The following ADAMTS5 variants were observed in gnomAD, a reference collection of about 807,000 sequenced individuals.
ADAMTS5 encodes ADAM metallopeptidase with thrombospondin type 1 motif 5, also known as A disintegrin and metalloproteinase with thrombospondin motifs 5.
ADAMTS5 carries 54 observed loss-of-function variants against 81.4 expected under a neutral mutation model. The observed-to-expected ratio is 0.66, with a 90% CI of 0.53 to 0.83. ADAMTS5 has a LOEUF of 0.83. Ranked by LOEUF, ADAMTS5 falls within the 40% of genes least tolerant of loss-of-function variation. ADAMTS5 has a pLI of 0.00. For synonymous variants in ADAMTS5, 532 were observed against 508.8 expected (o/e 1.05, Z -0.61); for missense variants, 1,194 against 1,229.9 (o/e 0.97, Z 0.44).
At chr21:26,944,301 G>C (rs1987172677) in intron 2 of ADAMTS5, among the ~76,000 whole-genome samples, 1 of 152,166 alleles carries the variant, frequency 6.6e-6, no homozygotes, top group South Asian at 2.1e-4. Flanking sequence ...AGAAAGGACA[G>C]CTTGGTTTCC....
intron 1 of ADAMTS5, among the ~76,000 whole-genome samples, chr21:26,955,249 C>G (rs1418606213): frequency 6.6e-6 from 1 of 152,128 alleles, no homozygotes; most frequent in Non-Finnish European, 1.5e-5. Flanking sequence ...CAAAATCTGG[C>G]CTTATAATTT....
At chr21:26,929,160 G>C (rs1373464) in intron 7 of ADAMTS5, among the ~76,000 whole-genome samples, 65 of 152,148 alleles carry the variant, frequency 4.3e-4, no homozygotes, top group African/African-American at 1.5e-3. Context: ...TCAAGTTACA[G>C]ACAACACAGC....
chr21:26,948,907 G>A lies in ADAMTS5; in HGVS notation c.1238-5360C>T, dbSNP rs572074557. Among the ~76,000 whole-genome samples, 7 of 152,218 alleles carry A rather than the reference G, an allele frequency of 4.6e-5. No individual in the cohort carries two copies. In the East Asian group the frequency reaches 1.4e-3, roughly 29 times the overall value. On this transcript the variant is annotated intron_variant, in intron 2 of 7. Coordinates refer to ENST00000284987, the MANE Select transcript of ADAMTS5 (RefSeq NM_007038.5). ...TATATTAGTTGTTGACCTTAGACGG[G>A]TTTAGAAAGTACCCTGTGTGTTAGC...
chr21:26,932,867 G>T lies in ADAMTS5; in HGVS notation c.1867C>A (p.Pro623Thr), dbSNP rs1483349260. Residue 623 changes from proline (P) to threonine (T), a missense_variant, in exon 5 of 8, where the codon CCC (proline) becomes ACC (threonine). By Grantham distance (38) the Pro-to-Thr change is conservative. Coordinates refer to ENST00000284987, the MANE Select transcript of ADAMTS5 (RefSeq NM_007038.5). ...YRSCSLMPCPPNGKSFRHEQC... is the reference protein window; with the variant it reads ...YRSCSLMPCPTNGKSFRHEQC... ...ACACTTGGGAGCAGCGTACCATTGG[G>T]TGGGCAGGGCATGAGACTGCAGGAG... 6.2e-7 allele frequency: 1 copy of T among 1,607,636 alleles called. No individual in the cohort carries two copies. Among genetic ancestry groups the T allele is most frequent in the East Asian group, 2.2e-5 (1 of 44,794 alleles).
At chr21:26,948,247 C>A (rs1156377028) in intron 2 of ADAMTS5, among the ~76,000 whole-genome samples, 1 of 152,152 alleles carries the variant, frequency 6.6e-6, no homozygotes, top group Admixed American at 6.5e-5. Context: ...TGACTTATAA[C>A]ATTAACCTCA....
intron 2 of ADAMTS5, among the ~76,000 whole-genome samples, chr21:26,948,247 C>T (rs1156377028): frequency 1.3e-5 from 2 of 152,152 alleles, no homozygotes; most frequent in African/African-American, 4.8e-5. Context: ...TGACTTATAA[C>T]ATTAACCTCA....
chr21:26,963,645 A>G (rs1479145905), intron 1 of ADAMTS5, among the ~76,000 whole-genome samples: 2 of 29,944 alleles, frequency 6.7e-5, no homozygotes, highest in Non-Finnish European at 1.3e-4. Context: ...GCTTACCAAA[A>G]AAAAAAAAAA....
Position 26,933,023 on chromosome 21 carries a change from C to A in ADAMTS5, c.1711G>T (p.Gly571Ter). 1 of 1,613,090 alleles carries A rather than the reference C, an allele frequency of 6.2e-7. No homozygotes were observed. Among genetic ancestry groups the A allele is most frequent in the Non-Finnish European group, 8.5e-7 (1 of 1,179,758 alleles). Residue 571 changes from glycine to a stop codon, truncating the protein, a stop_gained, in exon 5 of 8, where the codon GGA (glycine) becomes TGA (stop). Coordinates refer to ENST00000284987, the MANE Select transcript of ADAMTS5 (RefSeq NM_007038.5). LOFTEE classifies it high-confidence loss of function. Reference protein sequence around the residue: ...YYSTSSHGNWGSWGSWGQCSR... With the variant: ...YYSTSSHGNW The stretch of plus-strand genomic sequence containing the variant: ...CACTGGCCCCAGGATCCCCAAGATC[C>A]CCAGTTGCCATGGCTTGACGTCTGA...
chr21:26,952,050 C>A (rs1987329316), intron 2 of ADAMTS5, among the ~76,000 whole-genome samples: 1 of 152,126 alleles, frequency 6.6e-6, no homozygotes, highest in African/African-American at 2.4e-5. Flanking sequence ...TTTATGAAAG[C>A]AGAATTGAAT....
rs117484282 is a variant in ADAMTS5 at position 26,931,923 on chromosome 21, G to A, written c.2049+81C>T. On this transcript the variant is annotated intron_variant, in intron 6 of 7. Transcript: ENST00000284987. ...TGACCCCAAACTAATAACTGTTTAC[G>A]TCTGGCGTCCGCAGGCTTCATTCTA... is the stretch of plus-strand genomic sequence containing the variant. 3.2e-4 allele frequency: 444 copies of A among 1,397,334 alleles called. 3 individuals are homozygous for A. In the East Asian group the frequency reaches 3.7e-3, roughly 12 times the overall value. 86.6% of individuals were successfully genotyped at this position (1,397,334 alleles called of 1,614,324 possible).
At position 26,924,009 on chromosome 21, in the gene ADAMTS5, C is replaced by T; in HGVS notation, c.*44G>A. On this transcript the variant is annotated 3_prime_UTR_variant, in exon 8 of 8. Coordinates refer to ENST00000284987, the MANE Select transcript of ADAMTS5 (RefSeq NM_007038.5). ...CCTGTTCACCACGACTGCATCAGTGCTGAATCCTCCAGTTATCTTTGTGCA... is the reference window on the plus strand; with the variant it reads ...CCTGTTCACCACGACTGCATCAGTGTTGAATCCTCCAGTTATCTTTGTGCA... The T allele has an allele frequency of 1.3e-6, 2 of 1,538,892 alleles. No homozygotes were observed. Among genetic ancestry groups the T allele is most frequent in the Non-Finnish European group, 1.8e-6 (2 of 1,136,446 alleles).
At chr21:26,932,826 C>T (rs1394429751) in intron 5 of ADAMTS5, 35 bp downstream of exon 5, 4 of 1,574,666 alleles carry the variant, frequency 2.5e-6, no homozygotes, top group Non-Finnish European at 3.4e-6. Flanking sequence ...TGACATGTAG[C>T]ATATGATGGT....
chr21:26,961,082 A>G (rs1987521683), intron 1 of ADAMTS5, among the ~76,000 whole-genome samples: 1 of 152,220 alleles, frequency 6.6e-6, no homozygotes, highest in Non-Finnish European at 1.5e-5. Context: ...TACGAGGAGC[A>G]TATTAAAGGT....
Position 26,924,248 on chromosome 21 carries a change from G to C in ADAMTS5, c.2598C>G (p.Gly866=). ...AAGTGTGTGATCCCACTTTATTGCT[G>C]CCATGACTAGTGACAGAGTTTACTT... ...TPKVNSVTSH[G]SNKVGSHTSQ... The change falls in exon 8 of 8, where the codon GGC becomes GGG. Residue 866 remains glycine (G), a synonymous_variant. Coordinates refer to ENST00000284987, the MANE Select transcript of ADAMTS5 (RefSeq NM_007038.5). The C allele has an allele frequency of 1.2e-6, 2 of 1,614,178 alleles. No homozygotes were observed. The highest frequency in any genetic ancestry group is 1.7e-6 in the Non-Finnish European group (2 of 1,180,018).
rs1229549237 is a variant in ADAMTS5 at position 26,966,292 on chromosome 21, G to T, written c.100C>A (p.Pro34Thr). The T allele has an allele frequency of 1.3e-6, 2 of 1,545,562 alleles. No homozygotes were observed. The highest frequency in any genetic ancestry group is 3.9e-5 in the Admixed American group (2 of 51,484). Reference protein sequence around the residue: ...ATPAQDKAGQPPTAAAAAQPR... With the variant: ...ATPAQDKAGQTPTAAAAAQPR... ...TGGGCGGCTGCTGCAGCAGTCGGAGGCTGCCCGGCTTTATCCTGGGCAGGT... is the reference window on the plus strand; with the variant it reads ...TGGGCGGCTGCTGCAGCAGTCGGAGTCTGCCCGGCTTTATCCTGGGCAGGT... The change falls in exon 1 of 8, where the codon CCT (proline) becomes ACT (threonine). Residue 34 changes from proline (P) to threonine (T), a missense_variant. Pro to Thr is a conservative substitution (Grantham distance 38, BLOSUM62 -1). Transcript: ENST00000284987.
At chr21:26,963,495 C>T (rs1987568667) in intron 1 of ADAMTS5, among the ~76,000 whole-genome samples, 1 of 151,248 alleles carries the variant, frequency 6.6e-6, no homozygotes, top group African/African-American at 2.4e-5. Flanking sequence ...ACTAAAATGA[C>T]CCACTCCTTG....
chr21:26,926,224 G>GCA (rs1247253030), intron 7 of ADAMTS5, among the ~76,000 whole-genome samples: 1 of 152,310 alleles, frequency 6.6e-6, no homozygotes, highest in Middle Eastern at 3.4e-3. Flanking sequence ...GTGCACCACT[G>GCA]CACTCCAGCC....
rs768917351 is a variant in ADAMTS5, at chr21:26,932,068, G to T, written c.1985C>A (p.Ala662Glu). The change falls in exon 6 of 8, where the codon GCG (alanine) becomes GAG (glutamate). Residue 662 changes from alanine to glutamate, a missense_variant. By Grantham distance (107) the Ala-to-Glu change is moderately radical. This residue lies in a region of ADAMTS5 where 696 missense variants were observed against 817.6 expected (regional missense o/e 0.85). Coordinates refer to ENST00000284987, the MANE Select transcript of ADAMTS5 (RefSeq NM_007038.5). ...WVPKYAGVLP[A>E]DVCKLTCRAK... is the part of the protein sequence containing the mutation. ...TCTGCAGGTCAGCTTGCACACATCC[G>T]CTGGCAGGACACCTGCATATTTGGG... 6.2e-7 allele frequency: 1 copy of T among 1,614,116 alleles called. No homozygotes were observed. Among genetic ancestry groups the T allele is most frequent in the Admixed American group, 1.7e-5 (1 of 60,026 alleles).
rs1215587846 is a variant in ADAMTS5 at position 26,954,827 on chromosome 21, G to A, written c.1149C>T (p.Asp383=). 1 of 1,614,072 alleles carries A rather than the reference G, an allele frequency of 6.2e-7. No homozygotes were observed. The highest frequency in any genetic ancestry group is 8.5e-7 in the Non-Finnish European group (1 of 1,180,000). Residue 383 remains aspartate (D), a synonymous_variant, in exon 2 of 8, where the codon GAC becomes GAT. Transcript: ENST00000284987. ...HHSCDTLGMA[D]VGTICSPERS... ...GCTCTGGAGAACATATGGTCCCAACGTCTGCCATTCCCAGGGTGTCACATG... is the reference window on the plus strand; with the variant it reads ...GCTCTGGAGAACATATGGTCCCAACATCTGCCATTCCCAGGGTGTCACATG...
Sources: allele counts gnomAD v4.1 joint callset (sites outside exome capture counted in the v4.1 genomes callset), GRCh38; gene constraint gnomAD v4.1.1; regional missense constraint gnomAD v4.1.1; transcripts MANE v1.5; gene names NCBI Gene and HGNC (gene_info 2026-07-23, HGNC 2026-07-21).